The following CNTNAP4 variants were observed in gnomAD, a reference collection of about 807,000 sequenced individuals.
CNTNAP4 encodes contactin-associated protein-like 4.
In CNTNAP4, 98 loss-of-function variants were observed where a neutral mutation model predicts 148.4. That is an observed-to-expected ratio of 0.66 (90% CI 0.56 to 0.78). CNTNAP4 has a LOEUF of 0.78. Ranked by LOEUF, CNTNAP4 falls within the 30% of genes least tolerant of loss-of-function variation. CNTNAP4 has a pLI of 0.00. For synonymous variants in CNTNAP4, 730 were observed against 565.1 expected, an observed-to-expected ratio of 1.29 and a Z score of -4.14; for missense variants, 1,935 against 1,565.6, an observed-to-expected ratio of 1.24 and a Z score of -3.98.
At chr16:76,406,550 C>A (rs1014121207) in intron 3 of CNTNAP4, among the ~76,000 whole-genome samples, 1 of 151,728 alleles carries the variant, frequency 6.6e-6, no homozygotes, top group Non-Finnish European at 1.5e-5. Flanking sequence ...AGGCTTCTTG[C>A]AGCAAACATT....
intron 18 of CNTNAP4, among the ~76,000 whole-genome samples, 158 bp downstream of exon 18, chr16:76,535,942 C>T (rs547261798): frequency 1.3e-5 from 2 of 152,272 alleles, no homozygotes; most frequent in South Asian, 2.1e-4. Flanking sequence ...GTACAAGATC[C>T]TGGTGATGAG....
intron 3 of CNTNAP4, among the ~76,000 whole-genome samples, chr16:76,404,824 TTAA>T (rs1161077690): frequency 4.6e-5 from 7 of 152,114 alleles, no homozygotes; most frequent in Non-Finnish European, 1.0e-4. Flanking sequence ...GTGACCACAG[TTAA>T]TAATAATGTA....
At chr16:76,344,089 G>A (rs1269212996) in intron 2 of CNTNAP4, among the ~76,000 whole-genome samples, 1 of 152,128 alleles carries the variant, frequency 6.6e-6, no homozygotes, top group Admixed American at 6.6e-5. Context: ...TTCAAACTCT[G>A]AATTCTCTTT....
intron 2 of CNTNAP4, among the ~76,000 whole-genome samples, chr16:76,328,679 C>G (rs954871587): frequency 6.6e-6 from 1 of 151,556 alleles, no homozygotes; most frequent in Non-Finnish European, 1.5e-5. Context: ...GAGGTTTGCT[C>G]TTGTTTCCCA....
intron 21 of CNTNAP4, among the ~76,000 whole-genome samples, chr16:76,548,211 T>C (rs544430790): frequency 6.6e-6 from 1 of 152,310 alleles, no homozygotes; most frequent in South Asian, 2.1e-4. Flanking sequence ...CTAACCCTTT[T>C]TGTGTTGAGT....
At chr16:76,326,675 A>T (rs1054899112) in intron 2 of CNTNAP4, among the ~76,000 whole-genome samples, 1 of 152,114 alleles carries the variant, frequency 6.6e-6, no homozygotes, top group Non-Finnish European at 1.5e-5. Context: ...GGAAACCATC[A>T]TTCTCAGCAA....
At chr16:76,482,001 ATT>A (rs1316207529) in intron 12 of CNTNAP4, among the ~76,000 whole-genome samples, 1 of 101,194 alleles carries the variant, frequency 9.9e-6, no homozygotes, top group Admixed American at 1.1e-4. Context: ...TGAGGAGTTT[ATT>A]TTTTTATTTT....
rs1404133782 is a variant in CNTNAP4, at chr16:76,553,469, C to T, written c.3629C>T (p.Ala1210Val). 1 of 1,611,850 alleles carries T rather than the reference C, an allele frequency of 6.2e-7. No homozygotes were observed. The highest frequency in any genetic ancestry group is 2.2e-5 in the East Asian group (1 of 44,840). The change falls in exon 22 of 24, where the codon GCC (alanine) becomes GTC (valine). Residue 1210 changes from alanine (A) to valine (V), a missense_variant. By Grantham distance (64) the Ala-to-Val change is moderately conservative. Coordinates refer to ENST00000611870, the MANE Select transcript of CNTNAP4 (RefSeq NM_033401.5). ...TGTATGGCCCAGCCTGGCACTGATG[C>T]CACATCAAGGGAAAGGACACACTCG... ...SSCMAQPGTD[A>V]TSRERTHSFA...
chr16:76,523,256 C>T (rs2083567123), intron 17 of CNTNAP4, among the ~76,000 whole-genome samples: 1 of 136,516 alleles, frequency 7.3e-6, no homozygotes, highest in Admixed American at 7.3e-5. Context: ...GCCCCACCAA[C>T]CATCACATCA....
chr16:76,435,389 G>A (rs1012662745), intron 4 of CNTNAP4, among the ~76,000 whole-genome samples: 2 of 152,096 alleles, frequency 1.3e-5, no homozygotes, highest in Non-Finnish European at 2.9e-5. Context: ...TTTTGCCTCT[G>A]CTGTCCATTA....
intron 1 of CNTNAP4, among the ~76,000 whole-genome samples, chr16:76,286,455 A>G (rs1261434153): frequency 6.6e-6 from 1 of 152,072 alleles, no homozygotes; most frequent in African/African-American, 2.4e-5. Flanking sequence ...CAGAGAAGTG[A>G]TATTACCCTT....
At chr16:76,412,784 A>C (rs4365309) in intron 3 of CNTNAP4, among the ~76,000 whole-genome samples, 2 of 151,152 alleles carry the variant, frequency 1.3e-5, no homozygotes, top group Non-Finnish European at 3.0e-5. Context: ...AACATTTTTA[A>C]ATGAACAAAG....
At chr16:76,537,847 C>G (rs1408275823) in intron 18 of CNTNAP4, among the ~76,000 whole-genome samples, 1 of 151,940 alleles carries the variant, frequency 6.6e-6, no homozygotes, top group Non-Finnish European at 1.5e-5. Context: ...GAAGACAAGC[C>G]TGGTTTGTGT....
intron 23 of CNTNAP4, among the ~76,000 whole-genome samples, chr16:76,554,958 G>T (rs2085128204): frequency 6.6e-6 from 1 of 150,430 alleles, no homozygotes; most frequent in African/African-American, 2.4e-5. Flanking sequence ...TGCTCAACTT[G>T]TTATTTATTC....
chr16:76,448,278 T>C (rs2080324854), intron 5 of CNTNAP4, 63 bp downstream of exon 5: 2 of 1,190,454 alleles, frequency 1.7e-6, no homozygotes, highest in Admixed American at 2.0e-5. Context: ...AGTCACTTTA[T>C]GCTTTTATAG....
In CNTNAP4 at chr16:76,277,555, C is replaced by T; in HGVS notation, c.-108C>T. 2 of 701,436 alleles carry T rather than the reference C, an allele frequency of 2.9e-6. No homozygotes were observed. The highest frequency in any genetic ancestry group is 5.0e-6 in the Non-Finnish European group (2 of 398,154). 43.5% of individuals were successfully genotyped at this position (701,436 alleles called of 1,614,324 possible). A position where few individuals can be genotyped will look rare whatever the true frequency, so the allele number is the denominator to read the frequency against. ...AGGAAGGGAGGGGGAGAGACAGAGA[C>T]CTAGAGGGGCTGAAGACCCAGACAG... is the stretch of plus-strand genomic sequence containing the variant. On this transcript the variant is annotated 5_prime_UTR_variant, in exon 1 of 24. Transcript: ENST00000611870.
chr16:76,441,770 G>A (rs372988117), intron 4 of CNTNAP4, among the ~76,000 whole-genome samples: 1 of 152,070 alleles, frequency 6.6e-6, no homozygotes, highest in Non-Finnish European at 1.5e-5. Flanking sequence ...TTTTTGCTAT[G>A]CACCTTTTCC....
At chr16:76,370,929 G>T (rs78740581) in intron 3 of CNTNAP4, among the ~76,000 whole-genome samples, 7,682 of 151,840 alleles carry the variant, frequency 0.051, 629 homozygotes, top group African/African-American at 0.17. Context: ...TACATTTAGC[G>T]CTCTTCTGTC....
chr16:76,341,406 G>C (rs1263514318), intron 2 of CNTNAP4, among the ~76,000 whole-genome samples: 19 of 152,104 alleles, frequency 1.2e-4, no homozygotes, highest in Admixed American at 1.1e-3. Context: ...AACTAATAAG[G>C]ACTCAAACTA....
Sources: allele counts gnomAD v4.1 joint callset (sites outside exome capture counted in the v4.1 genomes callset), GRCh38; gene constraint gnomAD v4.1.1; transcripts MANE v1.5; gene names NCBI Gene and HGNC (gene_info 2026-07-23, HGNC 2026-07-21).